Variants in CSMD1 observed in about 807,000 individuals in gnomAD.
CSMD1 encodes CUB and sushi domain-containing protein 1.
CSMD1 carries 213 observed loss-of-function variants against 417.5 expected under a neutral mutation model. The ratio of observed to expected loss-of-function variants is 0.51; its 90% CI spans 0.46 to 0.57. The LOEUF is 0.57. Among genes scored for constraint, CSMD1 ranks in the 20% least tolerant of loss-of-function variants. The probability of loss-of-function intolerance (pLI) is 0.00; values close to 1 mark genes in which losing one functional copy is unlikely to be tolerated. For synonymous variants in CSMD1, 2,862 were observed against 1,736.8 expected (o/e 1.65, Z -16.11); for missense variants, 6,923 against 4,529.7 (o/e 1.53, Z -15.17).
intron 1 of CSMD1, among the ~76,000 whole-genome samples, chr8:4,658,273 C>A (rs1255982561): frequency 6.6e-6 from 1 of 151,968 alleles, no homozygotes; most frequent in African/African-American, 2.4e-5. Flanking sequence ...GAAGGATAAA[C>A]TCAAAGAGAT....
chr8:4,251,898 G>A (rs1396033024), intron 3 of CSMD1, among the ~76,000 whole-genome samples: 3 of 151,052 alleles, frequency 2.0e-5, no homozygotes, highest in Non-Finnish European at 4.4e-5. Context: ...GGGAGGGGAG[G>A]GGAGGGGAGG....
chr8:3,015,349 T>C (rs1808745219), intron 52 of CSMD1, among the ~76,000 whole-genome samples: 1 of 152,170 alleles, frequency 6.6e-6, no homozygotes, highest in African/African-American at 2.4e-5. Context: ...TATAGCTGTC[T>C]CTGTTTGTTT....
intron 1 of CSMD1, among the ~76,000 whole-genome samples, chr8:4,663,577 C>T (rs1399706209): frequency 6.6e-6 from 1 of 152,058 alleles, no homozygotes; most frequent in East Asian, 1.9e-4. Flanking sequence ...TGCATGACAA[C>T]TCTCCCTTCA....
chr8:4,175,259 A>C (rs2131153289), intron 3 of CSMD1, among the ~76,000 whole-genome samples: 1 of 152,302 alleles, frequency 6.6e-6, no homozygotes, highest in South Asian at 2.1e-4. Flanking sequence ...GAAACCATTT[A>C]TATTTAATTA....
chr8:3,128,910 G>C (rs1817649879), intron 41 of CSMD1: 2 of 449,168 alleles, frequency 4.5e-6, no homozygotes, highest in Non-Finnish European at 8.9e-6. Flanking sequence ...CCTATTGCAA[G>C]AGACAAAGGG....
At position 3,205,628 on chromosome 8, in the gene CSMD1, T is replaced by G; in HGVS notation, c.4868-8A>C. ...ACTGGCCTCCACAGGGAGCTGAAAA[T>G]AAAATCAACCGAGAATTAGTCGCTG... On this transcript the variant is annotated splice_polypyrimidine_tract_variant and splice_region_variant and intron_variant, in intron 30 of 69. Coordinates refer to ENST00000635120, the MANE Select transcript of CSMD1 (RefSeq NM_033225.6). 7.1e-7 allele frequency: 1 copy of G among 1,410,844 alleles called. No homozygotes were observed. The highest frequency in any genetic ancestry group is 9.8e-7 in the Non-Finnish European group (1 of 1,018,814). The allele number at this position is 1,410,844 out of a possible 1,614,324, so 87.4% of individuals were successfully genotyped here.
chr8:3,052,990 C>T (rs1393905989), intron 49 of CSMD1, among the ~76,000 whole-genome samples: 2 of 152,182 alleles, frequency 1.3e-5, no homozygotes, highest in East Asian at 3.9e-4. Context: ...TTATGTTGGC[C>T]AGGCTGGTTG....
chr8:3,135,068 T>G (rs1029027600), intron 41 of CSMD1, among the ~76,000 whole-genome samples: 2 of 152,216 alleles, frequency 1.3e-5, no homozygotes, highest in Admixed American at 1.3e-4. Flanking sequence ...GGACCACGGG[T>G]GTCCAACACC....
chr8:3,050,261 T>C (rs1180608949), intron 50 of CSMD1, among the ~76,000 whole-genome samples: 2 of 151,740 alleles, frequency 1.3e-5, no homozygotes, highest in African/African-American at 4.8e-5. Flanking sequence ...AAAAGGGGTA[T>C]AGGATTTAGA....
intron 7 of CSMD1, among the ~76,000 whole-genome samples, chr8:3,648,947 C>G (rs575317752): frequency 6.6e-6 from 1 of 152,014 alleles, no homozygotes; most frequent in African/African-American, 2.4e-5. Context: ...TTTAACAGAA[C>G]CCGTAATGTA....
intron 1 of CSMD1, among the ~76,000 whole-genome samples, chr8:4,937,704 C>A (rs10096103): frequency 6.6e-6 from 1 of 151,822 alleles, no homozygotes; most frequent in Non-Finnish European, 1.5e-5. Flanking sequence ...GGGGTATGAA[C>A]GATTTCTTGA....
At chr8:4,308,544 C>G (rs577760063) in intron 3 of CSMD1, among the ~76,000 whole-genome samples, 2 of 152,148 alleles carry the variant, frequency 1.3e-5, no homozygotes, top group Non-Finnish European at 2.9e-5. Flanking sequence ...CAGAGTTGGA[C>G]GTTGTCTTCG....
In CSMD1 at chr8:4,871,165, C is replaced by T. The variant is rs181363399; in HGVS notation, c.85+123167G>A. Among the ~76,000 whole-genome samples, 15 of 152,168 alleles carry T rather than the reference C, an allele frequency of 9.9e-5. No individual in the cohort carries two copies. The South Asian group carries it at 1.9e-3, about 19-fold the overall frequency. ...GAATCTAGGGAAGGCAAATAAGTAGCATGGGATTCATCATGTATGAGTATT... is the reference window on the plus strand; with the variant it reads ...GAATCTAGGGAAGGCAAATAAGTAGTATGGGATTCATCATGTATGAGTATT... On this transcript the variant is annotated intron_variant, in intron 1 of 69. Transcript: ENST00000635120.
intron 10 of CSMD1, among the ~76,000 whole-genome samples, chr8:3,542,937 C>G (rs1304773410): frequency 6.6e-6 from 1 of 150,746 alleles, no homozygotes. Flanking sequence ...TCTCCTGAGA[C>G]TTGGGGGACC....
At chr8:4,041,416 G>T (rs961890058) in intron 3 of CSMD1, among the ~76,000 whole-genome samples, 1 of 152,054 alleles carries the variant, frequency 6.6e-6, no homozygotes, top group African/African-American at 2.4e-5. Context: ...TTACTACTAC[G>T]AAAAAAGCAA....
intron 6 of CSMD1, among the ~76,000 whole-genome samples, chr8:3,726,814 G>A (rs112335625): frequency 2.6e-5 from 4 of 152,228 alleles, no homozygotes; most frequent in African/African-American, 7.2e-5. Context: ...AATATCTAAT[G>A]TTTTAATAAT....
At chr8:4,390,331 A>T (rs1224903062) in intron 3 of CSMD1, among the ~76,000 whole-genome samples, 1 of 152,154 alleles carries the variant, frequency 6.6e-6, no homozygotes, top group Non-Finnish European at 1.5e-5. Context: ...AAAAGAAGGA[A>T]AAGAGAAATA....
At chr8:3,224,193 T>C (rs1798367814) in intron 27 of CSMD1, among the ~76,000 whole-genome samples, 1 of 152,194 alleles carries the variant, frequency 6.6e-6, no homozygotes, top group South Asian at 2.1e-4. Flanking sequence ...TCCCCATACC[T>C]GCCAACGTGC....
chr8:4,665,657 C>T (rs1804875736), intron 1 of CSMD1, among the ~76,000 whole-genome samples: 1 of 152,092 alleles, frequency 6.6e-6, no homozygotes, highest in African/African-American at 2.4e-5. Context: ...TAGCATAACG[C>T]ATTCAAGGTC....
Sources: allele counts gnomAD v4.1 joint callset (sites outside exome capture counted in the v4.1 genomes callset), GRCh38; gene constraint gnomAD v4.1.1; transcripts MANE v1.5; gene names NCBI Gene and HGNC (gene_info 2026-07-23, HGNC 2026-07-21).